The following WDR47 variants were observed in gnomAD, a reference collection of about 807,000 sequenced individuals.
WDR47 encodes the protein WD repeat-containing protein 47.
A neutral mutation model predicts 97.2 loss-of-function variants in WDR47; 32 were observed. That is an observed-to-expected ratio of 0.33 (90% CI 0.25 to 0.44). The LOEUF (loss-of-function observed/expected upper bound fraction) is 0.44. Ranked by LOEUF, WDR47 falls within the 20% of genes least tolerant of loss-of-function variation. The probability of loss-of-function intolerance (pLI) is 1.00; values close to 1 mark genes in which losing one functional copy is unlikely to be tolerated. For synonymous variants in WDR47, 375 were observed against 373.5 expected (o/e 1.00, Z -0.05); for missense variants, 782 against 1,102.3 (o/e 0.71, Z 4.11).
chr1:109,006,295 A>G (rs1469503735), intron 5 of WDR47, among the ~76,000 whole-genome samples: 3 of 152,128 alleles, frequency 2.0e-5, no homozygotes, highest in Non-Finnish European at 2.9e-5. Context: ...CGAGAGGCTG[A>G]GGCAGGAGAA....
At chr1:108,975,565 G>A (rs1202584726) in intron 13 of WDR47, among the ~76,000 whole-genome samples, 1 of 151,618 alleles carries the variant, frequency 6.6e-6, no homozygotes, top group Non-Finnish European at 1.5e-5. Flanking sequence ...AGGTTGCAGT[G>A]AGCTGAGATT....
At chr1:108,991,227 A>G in intron 9 of WDR47, 27 bp downstream of exon 9, 1 of 1,592,032 alleles carries the variant, frequency 6.3e-7, no homozygotes, top group Non-Finnish European at 8.5e-7. Context: ...TATGAAAACA[A>G]TAAAACTTCC....
intron 1 of WDR47, chr1:109,025,032 G>T (rs1261176511): frequency 1.3e-5 from 2 of 152,164 alleles, no homozygotes; most frequent in Non-Finnish European, 2.9e-5. Flanking sequence ...AGGCCCACAG[G>T]TTAGTGTTGT....
intron 1 of WDR47, among the ~76,000 whole-genome samples, chr1:109,028,618 A>AT (rs1352715898): frequency 6.7e-6 from 1 of 149,470 alleles, no homozygotes; most frequent in Non-Finnish European, 1.5e-5. Flanking sequence ...CGCCCAGCTA[A>AT]TTTTTTGTAT....
At chr1:108,980,955 G>A (rs1466911315) in intron 13 of WDR47, among the ~76,000 whole-genome samples, 1 of 151,676 alleles carries the variant, frequency 6.6e-6, no homozygotes, top group Non-Finnish European at 1.5e-5. Context: ...GTGAAACCCC[G>A]TCTCTACTAA....
At chr1:108,980,417 C>G (rs1231119366) in intron 13 of WDR47, among the ~76,000 whole-genome samples, 1 of 152,078 alleles carries the variant, frequency 6.6e-6, no homozygotes, top group South Asian at 2.1e-4. Context: ...ATAGAATTCT[C>G]TTCTAATTCT....
chr1:109,022,969 C>G (rs1210111756), intron 2 of WDR47, among the ~76,000 whole-genome samples: 1 of 151,508 alleles, frequency 6.6e-6, no homozygotes, highest in African/African-American at 2.4e-5. Flanking sequence ...CTTTGGGAGG[C>G]CAAGGTGGGC....
intron 9 of WDR47, among the ~76,000 whole-genome samples, chr1:108,987,426 T>C (rs1239672067): frequency 6.6e-6 from 1 of 152,124 alleles, no homozygotes; most frequent in African/African-American, 2.4e-5. Flanking sequence ...AGTGCTGGGA[T>C]TACAGGTGTG....
At position 109,013,827 on chromosome 1, in the gene WDR47, A is replaced by G. The variant is rs1446333629; in HGVS notation, c.327+14T>C. The G allele has an allele frequency of 1.2e-6, 2 of 1,612,502 alleles. No homozygotes were observed. The highest frequency in any genetic ancestry group is 2.2e-5 in the East Asian group (1 of 44,828). On this transcript the variant is annotated intron_variant, in intron 4 of 14. Transcript: ENST00000369962. ...CAAGACTAGGGCGCAAACCTTCAGG[A>G]ATAAAAATCTTACATGCTGGGGCTC...
chr1:108,988,473 C>G (rs1334784611), intron 9 of WDR47, among the ~76,000 whole-genome samples: 1 of 151,858 alleles, frequency 6.6e-6, no homozygotes, highest in African/African-American at 2.4e-5. Flanking sequence ...ATCCCTTTAA[C>G]AGCCTGGGCA....
chr1:109,010,932 C>T lies in WDR47; in HGVS notation c.1114G>A (p.Glu372Lys), dbSNP rs748031079. 5.0e-6 allele frequency: 8 copies of T among 1,611,662 alleles called. No homozygotes were observed. The highest frequency in any genetic ancestry group is 3.3e-5 in the South Asian group (3 of 90,906). ...LENTECHSIY[E>K]ESPERDTPVD... is the part of the protein sequence containing the mutation. Reference sequence around the variant, plus strand: ...AATGCTTACCGCTCAGGGGATTCTTCGTAAATACTGTGACATTCTGTATTC... The same window carrying T: ...AATGCTTACCGCTCAGGGGATTCTTTGTAAATACTGTGACATTCTGTATTC... The change falls in exon 5 of 15, where the codon GAA (glutamate) becomes AAA (lysine). Residue 372 changes from glutamate to lysine, a missense_variant. By Grantham distance (56) the Glu-to-Lys change is moderately conservative (BLOSUM62 1). This residue lies in a region of WDR47 where 428 missense variants were observed against 584.3 expected (regional missense o/e 0.73). Coordinates refer to ENST00000369962, the MANE Select transcript of WDR47 (RefSeq NM_001142551.2).
chr1:108,991,001 G>GTT (rs1374654233), intron 9 of WDR47, among the ~76,000 whole-genome samples: 15 of 139,556 alleles, frequency 1.1e-4, no homozygotes, highest in African/African-American at 2.9e-4. Context: ...GTTTTTTTTT[G>GTT]TTTTTTTTTT....
chr1:108,994,879 C>G (rs1392074484), intron 8 of WDR47, among the ~76,000 whole-genome samples: 1 of 152,004 alleles, frequency 6.6e-6, no homozygotes, highest in African/African-American at 2.4e-5. Context: ...TGAAATAAAA[C>G]TAGGTTTTTG....
intron 1 of WDR47, among the ~76,000 whole-genome samples, chr1:109,027,844 T>C (rs931803109): frequency 6.6e-6 from 1 of 152,074 alleles, no homozygotes; most frequent in Non-Finnish European, 1.5e-5. Context: ...TAAACATCTA[T>C]TTCCTGTAAT....
In WDR47 at chr1:109,031,785, A is replaced by ATCTT. The variant is rs1225767855; in HGVS notation, c.-9-8268_-9-8265dup. On this transcript the variant is annotated intron_variant, in intron 1 of 14. Transcript: ENST00000369962. The stretch of plus-strand genomic sequence containing the variant: ...CAGATCTGATTTGAATATCATTTCA[A>ATCTT]TCTTTCTTTCTTTTTTTTTTTTTTT... 5.1e-4 allele frequency among the ~76,000 whole-genome samples: 61 copies of ATCTT among 118,790 alleles called. 6 individuals are homozygous for ATCTT. Among genetic ancestry groups the ATCTT allele is most frequent in the Middle Eastern group, 7.9e-3 (2 of 254 alleles). The allele number at this position is 118,790 out of a possible 152,430, so 77.9% of individuals were successfully genotyped here.
intron 13 of WDR47, among the ~76,000 whole-genome samples, chr1:108,981,318 C>T (rs1441002392): frequency 6.6e-6 from 1 of 151,974 alleles, no homozygotes; most frequent in Non-Finnish European, 1.5e-5. Flanking sequence ...TTTCTGGTTA[C>T]ATATTTATAG....
chr1:108,984,644 C>T (rs1338457365), intron 10 of WDR47, among the ~76,000 whole-genome samples: 7 of 152,088 alleles, frequency 4.6e-5, no homozygotes, highest in African/African-American at 1.7e-4. Flanking sequence ...CTTTGGGAGG[C>T]CGAGGAGGGC....
chr1:109,002,970 G>T (rs1660328506), intron 6 of WDR47, among the ~76,000 whole-genome samples: 1 of 152,146 alleles, frequency 6.6e-6, no homozygotes, highest in Non-Finnish European at 1.5e-5. Context: ...ATTCAATCCA[G>T]CAATCCCACT....
intron 4 of WDR47, among the ~76,000 whole-genome samples, chr1:109,012,428 C>T (rs1661096540): frequency 6.6e-6 from 1 of 151,760 alleles, no homozygotes; most frequent in Admixed American, 6.6e-5. Context: ...AAAAAATTAG[C>T]CAGGCACAGT....
Sources: gnomAD v4.1 joint callset for allele counts (sites outside exome capture counted in the v4.1 genomes callset) on GRCh38, gnomAD v4.1.1 for gene constraint, gnomAD v4.1.1 regional missense constraint, MANE v1.5 for transcripts, NCBI Gene and HGNC (gene_info 2026-07-23, HGNC 2026-07-21) for gene names.